The following DSG3 variants were observed in gnomAD, a reference collection of about 807,000 sequenced individuals.
DSG3 encodes desmoglein 3.
In DSG3, 63 loss-of-function variants were observed where a neutral mutation model predicts 85.9. That is an observed-to-expected ratio of 0.73 (90% CI 0.60 to 0.90). The LOEUF (loss-of-function observed/expected upper bound fraction) is 0.90, where lower values mean the gene tolerates loss of function less well. Among genes scored for constraint, DSG3 ranks in the 40% least tolerant of loss-of-function variants. The pLI, the probability that DSG3 is intolerant of heterozygous loss-of-function variation, is 0.00. For missense variants in DSG3, 1,220 were observed against 1,219.9 expected, an observed-to-expected ratio of 1.00 and a Z score of 0.00; for synonymous variants, 447 against 441.9, an observed-to-expected ratio of 1.01 and a Z score of -0.14.
rs147956650 is a variant in DSG3 at position 31,455,400 on chromosome 18, G to GA, written c.49-1030dup. On this transcript the variant is annotated intron_variant, in intron 1 of 15. Transcript: ENST00000257189. Reference sequence around the variant, plus strand: ...TGTTAAGCACCTGTGAGGGTTACAAGAAAAAAAAAATAACCTAATAGCACT... The same window carrying GA: ...TGTTAAGCACCTGTGAGGGTTACAAGAAAAAAAAAAATAACCTAATAGCACT... Among the ~76,000 whole-genome samples the GA allele has an allele frequency of 2.1e-3, 302 of 145,582 alleles. 5 individuals carry two copies. The highest frequency in any genetic ancestry group is 7.1e-3 in the African/African-American group (279 of 39,470).
intron 1 of DSG3, among the ~76,000 whole-genome samples, chr18:31,456,200 T>C (rs1469122000): frequency 6.6e-6 from 1 of 152,240 alleles, no homozygotes; most frequent in Non-Finnish European, 1.5e-5. Context: ...GGTTCTTCTT[T>C]ATGTCATCAA....
intron 7 of DSG3, 72 bp from the exon 8 acceptor site, chr18:31,461,155 A>T: frequency 7.4e-7 from 1 of 1,354,746 alleles, no homozygotes; most frequent in Non-Finnish European, 1.0e-6. Context: ...AAGGATTACC[A>T]TTTAGAAGAA....
rs746825352 is a variant in DSG3, at chr18:31,476,077, T to C, written c.2817T>C (p.Ala939=). ...ATTTAGTAACGGAGACTTACTCGGCTTCTGGTTCCCTCGTGCAACCTTCCA... is the reference window on the plus strand; with the variant it reads ...ATTTAGTAACGGAGACTTACTCGGCCTCTGGTTCCCTCGTGCAACCTTCCA... ...GNYLVTETYS[A]SGSLVQPSTA... is the part of the protein sequence containing the mutation. Residue 939 remains alanine, a synonymous_variant, in exon 16 of 16, where the codon GCT becomes GCC. Coordinates refer to ENST00000257189, the MANE Select transcript of DSG3 (RefSeq NM_001944.3). 1.2e-6 allele frequency: 2 copies of C among 1,614,254 alleles called. No individual in the cohort carries two copies. Among genetic ancestry groups the C allele is most frequent in the Non-Finnish European group, 1.7e-6 (2 of 1,180,054 alleles).
intron 1 of DSG3, among the ~76,000 whole-genome samples, chr18:31,453,252 A>G (rs1410853385): frequency 6.6e-6 from 1 of 152,188 alleles, no homozygotes; most frequent in Non-Finnish European, 1.5e-5. Flanking sequence ...TGAATTATCT[A>G]ATTCATTCTA....
intron 1 of DSG3, among the ~76,000 whole-genome samples, chr18:31,452,719 G>A (rs2072719277): frequency 6.6e-6 from 1 of 151,954 alleles, no homozygotes; most frequent in Non-Finnish European, 1.5e-5. Context: ...TATTCCTATT[G>A]TACAGATGAA....
At chr18:31,465,501 T>A in intron 10 of DSG3, 44 bp downstream of exon 10, 1 of 1,359,570 alleles carries the variant, frequency 7.4e-7, no homozygotes, top group Non-Finnish European at 9.6e-7. Flanking sequence ...GTTATCGTAA[T>A]TGATGTTTCT....
At position 31,476,259 on chromosome 18, in the gene DSG3, G is replaced by T; in HGVS notation, c.2999G>T (p.Ter1000LeuextTer3). 6.2e-7 allele frequency: 1 copy of T among 1,601,540 alleles called. No homozygotes were observed. The highest frequency in any genetic ancestry group is 1.1e-5 in the South Asian group (1 of 89,050). Residue 1000 changes from the stop codon to leucine, a stop_lost, in exon 16 of 16, where the codon TGA (stop) becomes TTA (leucine). Transcript: ENST00000257189. ...CTEDPCSRLI[*>L] ...GAGGATCCTTGCTCCCGTCTAATAT[G>T]ACCAGAATGAGCTGGAATACCACAC...
Position 31,456,631 on chromosome 18 carries a change from T to C in DSG3, c.84+156T>C, listed in dbSNP as rs532702028. Among the ~76,000 whole-genome samples, 4 of 152,302 alleles carry C rather than the reference T, an allele frequency of 2.6e-5. No individual in the cohort carries two copies. In the East Asian group the frequency reaches 7.7e-4, roughly 29 times the overall value. The stretch of plus-strand genomic sequence containing the variant: ...TTAAAATTCTAATAACTGATAACAA[T>C]ATTTTAAAACTAGTCATCCATAAAT... On this transcript the variant is annotated intron_variant, in intron 2 of 15. Transcript: ENST00000257189.
In DSG3 at chr18:31,465,326, T is replaced by TG. The variant is rs771278515; in HGVS notation, c.1283dup (p.Arg429ThrfsTer2). On this transcript the variant is annotated frameshift_variant, in exon 10 of 16. Coordinates refer to ENST00000257189, the MANE Select transcript of DSG3 (RefSeq NM_001944.3). LOFTEE classifies it high-confidence loss of function. ...TTAATATTATGAAACAGATATGTCA[T>TG]GGGACGTAACGATGGTGGATACCTA... The TG allele has an allele frequency of 1.4e-6, 2 of 1,457,816 alleles. No individual in the cohort carries two copies. Among genetic ancestry groups the TG allele is most frequent in the African/African-American group, 2.9e-5 (2 of 69,492 alleles). The allele number at this position is 1,457,816 out of a possible 1,614,324, so 90.3% of individuals were successfully genotyped here. A position where few individuals can be genotyped will look rare whatever the true frequency, so the allele number is the denominator to read the frequency against.
At chr18:31,452,340 G>A (rs181361101) in intron 1 of DSG3, among the ~76,000 whole-genome samples, 15 of 152,118 alleles carry the variant, frequency 9.9e-5, no homozygotes, top group African/African-American at 3.6e-4. Flanking sequence ...CCAACATGGT[G>A]AAGCCTCATC....
chr18:31,466,606 C>G lies in DSG3; in HGVS notation c.1488C>G (p.Val496=). ...PDFNDNCPTA[V]LEKDAVCSSS... ...TCAATGACAATTGTCCAACAGCTGT[C>G]CTCGAAAAAGATGCAGTTTGCAGTT... is the stretch of plus-strand genomic sequence containing the variant. Residue 496 remains valine (V), a synonymous_variant, in exon 11 of 16, where the codon GTC becomes GTG. Coordinates refer to ENST00000257189, the MANE Select transcript of DSG3 (RefSeq NM_001944.3). 4.3e-6 allele frequency: 7 copies of G among 1,614,200 alleles called. No individual in the cohort carries two copies. Among genetic ancestry groups the G allele is most frequent in the Non-Finnish European group, 5.1e-6 (6 of 1,180,034 alleles).
chr18:31,476,557 G>A lies in DSG3; in HGVS notation c.*297G>A, dbSNP rs1025568688. 7.2e-6 allele frequency: 2 copies of A among 276,200 alleles called. No homozygotes were observed. Among genetic ancestry groups the A allele is most frequent in the Non-Finnish European group, 1.3e-5 (2 of 148,272 alleles). 17.1% of individuals were successfully genotyped at this position (276,200 alleles called of 1,614,324 possible). A position where few individuals can be genotyped will look rare whatever the true frequency, so the allele number is the denominator to read the frequency against. On this transcript the variant is annotated 3_prime_UTR_variant, in exon 16 of 16. Transcript: ENST00000257189. ...ATTCTTAAGCTTCTATTTTTCCCCT[G>A]CCAAAGGAAGGTGTTTATCATTTTA... is the stretch of plus-strand genomic sequence containing the variant.
At chr18:31,471,057 T>C (rs1306010606) in intron 12 of DSG3, among the ~76,000 whole-genome samples, 2 of 152,182 alleles carry the variant, frequency 1.3e-5, no homozygotes, top group Non-Finnish European at 2.9e-5. Flanking sequence ...GTGTACAGTA[T>C]AACAGTGTAA....
intron 15 of DSG3, among the ~76,000 whole-genome samples, chr18:31,474,607 G>T (rs2072875989): frequency 6.6e-6 from 1 of 152,042 alleles, no homozygotes; most frequent in African/African-American, 2.4e-5. Context: ...AGAAGAATGG[G>T]AGCCAGGCAC....
rs966780477 is a variant in DSG3, at chr18:31,474,414, T to C, written c.2385+10T>C. The C allele has an allele frequency of 1.3e-6, 2 of 1,588,918 alleles. No individual in the cohort carries two copies. Among genetic ancestry groups the C allele is most frequent in the Non-Finnish European group, 8.6e-7 (1 of 1,165,010 alleles). On this transcript the variant is annotated intron_variant, in intron 15 of 15. Coordinates refer to ENST00000257189, the MANE Select transcript of DSG3 (RefSeq NM_001944.3). Reference sequence around the variant, plus strand: ...CTCCTACTTTTCTCAGGTAATTTGGTGAAAAACTTTGTGGCTTGATTATCT... The same window carrying C: ...CTCCTACTTTTCTCAGGTAATTTGGCGAAAAACTTTGTGGCTTGATTATCT...
Position 31,477,096 on chromosome 18 carries a change from C to A in DSG3, c.*836C>A, listed in dbSNP as rs930865441. On this transcript the variant is annotated 3_prime_UTR_variant, in exon 16 of 16. Coordinates refer to ENST00000257189, the MANE Select transcript of DSG3 (RefSeq NM_001944.3). ...TGGGAAGCCATATATGTGTCTTTTACTCAAGCTAAGGGGTATAAGCTTATG... is the reference window on the plus strand; with the variant it reads ...TGGGAAGCCATATATGTGTCTTTTAATCAAGCTAAGGGGTATAAGCTTATG... 2 of 151,486 alleles carry A rather than the reference C, an allele frequency of 1.3e-5. No homozygotes were observed. Among genetic ancestry groups the A allele is most frequent in the African/African-American group, 4.8e-5 (2 of 41,302 alleles). The allele number at this position is 151,486 out of a possible 1,614,324, so 9.4% of individuals were successfully genotyped here. A position where few individuals can be genotyped will look rare whatever the true frequency, so the allele number is the denominator to read the frequency against.
rs781316270 is a variant in DSG3, at chr18:31,460,905, T to C, written c.757T>C (p.Cys253Arg). 7.5e-6 allele frequency: 12 copies of C among 1,605,140 alleles called. No homozygotes were observed. Among genetic ancestry groups the C allele is most frequent in the Non-Finnish European group, 1.0e-5 (12 of 1,177,176 alleles). The part of the protein sequence containing the change: ...DGEGLSTQCE[C>R]NIKVKDVNDN... ...AGAAGGACTATCAACTCAATGTGAA[T>C]GTAATATTAAAGTGAAAGATGTCAA... is the stretch of plus-strand genomic sequence containing the variant. The change falls in exon 7 of 16, where the codon TGT becomes CGT. Residue 253 changes from cysteine (C) to arginine (R), a missense_variant. Physicochemically the swap from Cys to Arg is radical, Grantham distance 180. Transcript: ENST00000257189.
intron 1 of DSG3, among the ~76,000 whole-genome samples, chr18:31,452,396 G>A (rs898948207): frequency 1.3e-5 from 2 of 151,898 alleles, no homozygotes; most frequent in African/African-American, 4.8e-5. Flanking sequence ...GTGCGCACCT[G>A]TAGTTCCAGC....
chr18:31,450,178 G>A (rs1367885211), intron 1 of DSG3, among the ~76,000 whole-genome samples: 1 of 152,190 alleles, frequency 6.6e-6, no homozygotes, highest in Non-Finnish European at 1.5e-5. Context: ...GTGTCAGTCA[G>A]GAGAGAGGCA....
Sources: gnomAD v4.1 joint callset for allele counts (sites outside exome capture counted in the v4.1 genomes callset) on GRCh38, gnomAD v4.1.1 for gene constraint, MANE v1.5 for transcripts, NCBI Gene and HGNC (gene_info 2026-07-23, HGNC 2026-07-21) for gene names.